GALNT17: variants seen among roughly 807,000 people sequenced by gnomAD.
GALNT17 encodes polypeptide N-acetylgalactosaminyltransferase 17, also known as UDP-GalNAc:polypeptide N-acetylgalactosaminyltransferase-like 3.
Under a neutral mutation model 63.7 loss-of-function variants are expected in GALNT17, and 29 were observed. That is an observed-to-expected ratio of 0.46 (90% CI 0.34 to 0.62). GALNT17 has a LOEUF of 0.62. GALNT17 is among the 20% of genes least tolerant of loss of function. The pLI, the probability that GALNT17 is intolerant of heterozygous loss-of-function variation, is 0.01. For synonymous variants in GALNT17, 305 were observed against 318.3 expected, an observed-to-expected ratio of 0.96 and a Z score of 0.45; for missense variants, 603 against 799.6, an observed-to-expected ratio of 0.75 and a Z score of 2.97.
chr7:71,197,846 C>G (rs1562906023), intron 1 of GALNT17, among the ~76,000 whole-genome samples: 1 of 151,362 alleles, frequency 6.6e-6, no homozygotes, highest in Non-Finnish European at 1.5e-5. Flanking sequence ...ATTCATTCAT[C>G]TGTTGATGGA....
At chr7:71,445,693 G>C (rs1368725941) in intron 5 of GALNT17, among the ~76,000 whole-genome samples, 1 of 152,164 alleles carries the variant, frequency 6.6e-6, no homozygotes, top group East Asian at 1.9e-4. Context: ...AATTCCTGGA[G>C]ACTGGAGACT....
chr7:71,338,269 G>T (rs557782244), intron 2 of GALNT17, among the ~76,000 whole-genome samples: 1 of 152,124 alleles, frequency 6.6e-6, no homozygotes, highest in Admixed American at 6.5e-5. Flanking sequence ...GGAGGTTACA[G>T]TGAGCCAAGA....
At chr7:71,272,654 C>T (rs1165132997) in intron 1 of GALNT17, among the ~76,000 whole-genome samples, 1 of 152,190 alleles carries the variant, frequency 6.6e-6, no homozygotes, top group Non-Finnish European at 1.5e-5. Flanking sequence ...TTCAGACAAT[C>T]GACAGCAGGA....
At chr7:71,625,905 G>A (rs888833979) in intron 6 of GALNT17, among the ~76,000 whole-genome samples, 62 of 152,062 alleles carry the variant, frequency 4.1e-4, no homozygotes, top group African/African-American at 1.1e-3. Context: ...TTAAAATAAG[G>A]TCATTGGGGT....
At chr7:71,152,776 G>T (rs375231541) in intron 1 of GALNT17, among the ~76,000 whole-genome samples, 3 of 152,128 alleles carry the variant, frequency 2.0e-5, no homozygotes, top group East Asian at 3.9e-4. Flanking sequence ...AGGATTACAG[G>T]TGCCTGCCAC....
At chr7:71,516,757 C>T (rs1285376465) in intron 5 of GALNT17, among the ~76,000 whole-genome samples, 1 of 152,176 alleles carries the variant, frequency 6.6e-6, no homozygotes, top group Non-Finnish European at 1.5e-5. Flanking sequence ...TCCATTTCTC[C>T]CCATTCTGCC....
chr7:71,540,092 C>CATTTTTTTTTTTTTTT (rs1202520298), intron 5 of GALNT17, among the ~76,000 whole-genome samples: 1 of 59,918 alleles, frequency 1.7e-5, no homozygotes, highest in African/African-American at 4.7e-5. Context: ...CTGTGCCTGG[C>CATTTTTTTTTTTTTTT]CTTTTTTTTT....
chr7:71,476,861 G>A (rs1018424457), intron 5 of GALNT17, among the ~76,000 whole-genome samples: 3 of 152,154 alleles, frequency 2.0e-5, no homozygotes, highest in Non-Finnish European at 4.4e-5. Flanking sequence ...TCCTGTAAGG[G>A]ACCTTAGCAA....
In GALNT17 at chr7:71,711,075, A is replaced by C. The variant is rs972851025; in HGVS notation, c.1668+147A>C. The C allele has an allele frequency of 2.8e-6, 3 of 1,056,852 alleles. No individual in the cohort carries two copies. In the African/African-American group the frequency reaches 4.8e-5, roughly 17 times the overall value. The allele number at this position is 1,056,852 out of a possible 1,614,324, so 65.5% of individuals were successfully genotyped here. A position where few individuals can be genotyped will look rare whatever the true frequency, so the allele number is the denominator to read the frequency against. ...GCCCCGGGCTGGGCTTGTGGACCCAAAGCACTTCCTGGGGGCAGCTGTGGA... is the reference window on the plus strand; with the variant it reads ...GCCCCGGGCTGGGCTTGTGGACCCACAGCACTTCCTGGGGGCAGCTGTGGA... On this transcript the variant is annotated intron_variant, in intron 10 of 10. Coordinates refer to ENST00000333538, the MANE Select transcript of GALNT17 (RefSeq NM_022479.3).
At chr7:71,184,344 C>T (rs1788792129) in intron 1 of GALNT17, among the ~76,000 whole-genome samples, 1 of 151,890 alleles carries the variant, frequency 6.6e-6, no homozygotes, top group African/African-American at 2.4e-5. Flanking sequence ...CCTAAATACT[C>T]CAACCACTCG....
chr7:71,428,010 C>T (rs150779107), intron 5 of GALNT17, among the ~76,000 whole-genome samples: 1 of 152,246 alleles, frequency 6.6e-6, no homozygotes, highest in African/African-American at 2.4e-5. Flanking sequence ...GAAACCAGTC[C>T]CTGGTGCTGA....
At chr7:71,528,091 T>C (rs955014093) in intron 5 of GALNT17, among the ~76,000 whole-genome samples, 6 of 152,210 alleles carry the variant, frequency 3.9e-5, no homozygotes, top group South Asian at 2.1e-4. Flanking sequence ...TTGCAATCTA[T>C]GGTACAGAAT....
intron 5 of GALNT17, among the ~76,000 whole-genome samples, chr7:71,560,038 C>T (rs1789228392): frequency 6.6e-6 from 1 of 151,296 alleles, no homozygotes; most frequent in South Asian, 2.1e-4. Context: ...TACAAAAATA[C>T]AAAAAATTAG....
Position 71,664,565 on chromosome 7 carries a change from C to T in GALNT17, c.1081-846C>T, listed in dbSNP as rs555909963. Among the ~76,000 whole-genome samples the T allele has an allele frequency of 1.1e-3, 172 of 152,228 alleles. 1 individual carries two copies. Among genetic ancestry groups the T allele is most frequent in the Non-Finnish European group, 1.8e-3 (125 of 68,034 alleles). On this transcript the variant is annotated intron_variant, in intron 6 of 10. Transcript: ENST00000333538. ...GTTCAAAGTTATAGTGAGCTGTGATCGCACCACTGCACTCCAGTCTGGGTG... is the reference window on the plus strand; with the variant it reads ...GTTCAAAGTTATAGTGAGCTGTGATTGCACCACTGCACTCCAGTCTGGGTG...
intron 5 of GALNT17, among the ~76,000 whole-genome samples, chr7:71,488,835 A>G (rs1489421817): frequency 2.2e-5 from 3 of 138,386 alleles, no homozygotes; most frequent in Admixed American, 7.5e-5. Context: ...ACCTGCCTCA[A>G]CCTCCCAAAG....
chr7:71,319,824 T>C (rs1791572106), intron 1 of GALNT17, among the ~76,000 whole-genome samples: 1 of 152,234 alleles, frequency 6.6e-6, no homozygotes. Context: ...AGCTGAGGTT[T>C]GGCTGATCTG....
In GALNT17 at chr7:71,421,057, G is replaced by GC. The variant is rs1384224795; in HGVS notation, c.920dup (p.Asp309ArgfsTer31). ...TGGGAGCTGTGGTGCATGTACATCA[G>GC]CCCCCCAAAAGACTGGTGGGACGCC... On this transcript the variant is annotated frameshift_variant, in exon 5 of 11. Coordinates refer to ENST00000333538, the MANE Select transcript of GALNT17 (RefSeq NM_022479.3). LOFTEE classifies it high-confidence loss of function. 1.9e-6 allele frequency: 3 copies of GC among 1,613,970 alleles called. No individual in the cohort carries two copies. Among genetic ancestry groups the GC allele is most frequent in the Non-Finnish European group, 2.5e-6 (3 of 1,180,024 alleles).
intron 5 of GALNT17, among the ~76,000 whole-genome samples, chr7:71,466,461 T>G (rs1333351506): frequency 6.6e-6 from 1 of 152,174 alleles, no homozygotes; most frequent in Non-Finnish European, 1.5e-5. Context: ...TGGAAAGAAA[T>G]CAAAGTGTTT....
chr7:71,646,369 C>T (rs971159441), intron 6 of GALNT17, among the ~76,000 whole-genome samples: 1 of 152,248 alleles, frequency 6.6e-6, no homozygotes, highest in Non-Finnish European at 1.5e-5. Context: ...CTCAGCATGG[C>T]AGGACCAGGG....
Sources: allele counts gnomAD v4.1 joint callset (sites outside exome capture counted in the v4.1 genomes callset), GRCh38; gene constraint gnomAD v4.1.1; transcripts MANE v1.5; gene names NCBI Gene and HGNC (gene_info 2026-07-23, HGNC 2026-07-21).